The following GPC6 variants were observed in gnomAD, a reference collection of about 807,000 sequenced individuals.
GPC6 encodes glypican 6.
GPC6 carries 14 observed loss-of-function variants against 55.2 expected under a neutral mutation model. The observed-to-expected ratio is 0.25, with a 90% CI of 0.17 to 0.40. The LOEUF (loss-of-function observed/expected upper bound fraction) is 0.40, where lower values mean the gene tolerates loss of function less well. GPC6 is among the 10% of genes least tolerant of loss of function. The pLI, the probability that GPC6 is intolerant of heterozygous loss-of-function variation, is 1.00. For missense variants in GPC6, 641 were observed against 708.5 expected, an observed-to-expected ratio of 0.90 and a Z score of 1.08; for synonymous variants, 278 against 259.6, an observed-to-expected ratio of 1.07 and a Z score of -0.68.
intron 4 of GPC6, among the ~76,000 whole-genome samples, chr13:94,141,022 G>T (rs1887357477): frequency 6.6e-6 from 1 of 152,100 alleles, no homozygotes; most frequent in Non-Finnish European, 1.5e-5. Flanking sequence ...ACCTCTTTAA[G>T]ATATGTAAAG....
intron 2 of GPC6, among the ~76,000 whole-genome samples, chr13:93,803,891 G>A (rs115632266): frequency 0.013 from 1,908 of 152,184 alleles, 40 homozygotes; most frequent in African/African-American, 0.043. Context: ...CTGTGGCTGG[G>A]GTGGGGAATG....
At chr13:93,720,009 A>G (rs1056220403) in intron 2 of GPC6, among the ~76,000 whole-genome samples, 3 of 151,968 alleles carry the variant, frequency 2.0e-5, no homozygotes, top group Admixed American at 2.0e-4. Flanking sequence ...GAATTTTCGT[A>G]TTGATGTTCA....
At chr13:94,279,538 G>T (rs949473187) in intron 4 of GPC6, among the ~76,000 whole-genome samples, 5 of 152,104 alleles carry the variant, frequency 3.3e-5, no homozygotes, top group East Asian at 1.9e-4. Flanking sequence ...TGATGTTAGG[G>T]TATCGATCTG....
chr13:93,892,096 CATAT>C (rs1283469692), intron 3 of GPC6, among the ~76,000 whole-genome samples: 1 of 151,946 alleles, frequency 6.6e-6, no homozygotes, highest in Non-Finnish European at 1.5e-5. Flanking sequence ...CACATACACA[CATAT>C]ATGGTGTGTA....
At chr13:93,503,719 G>A (rs1490881199) in intron 1 of GPC6, among the ~76,000 whole-genome samples, 1 of 152,090 alleles carries the variant, frequency 6.6e-6, no homozygotes, top group Admixed American at 6.6e-5. Flanking sequence ...AGAATTCTAG[G>A]GCTTGAGTGG....
intron 3 of GPC6, among the ~76,000 whole-genome samples, chr13:93,897,136 A>C (rs1876063256): frequency 6.6e-6 from 1 of 152,004 alleles, no homozygotes; most frequent in Non-Finnish European, 1.5e-5. Flanking sequence ...TCATGAAGTC[A>C]GAGAGATTGG....
intron 6 of GPC6, among the ~76,000 whole-genome samples, chr13:94,327,685 A>T (rs1877196921): frequency 6.7e-6 from 1 of 150,208 alleles, no homozygotes; most frequent in African/African-American, 2.4e-5. Context: ...TAGATTCAAA[A>T]GTGAGTGGGT....
intron 2 of GPC6, among the ~76,000 whole-genome samples, chr13:93,600,136 T>G (rs1034000392): frequency 1.3e-5 from 2 of 152,214 alleles, no homozygotes; most frequent in Non-Finnish European, 2.9e-5. Context: ...CTATGTAACT[T>G]ATAACAAATA....
intron 1 of GPC6, among the ~76,000 whole-genome samples, chr13:93,347,330 G>C (rs7337291): frequency 0.017 from 2,552 of 152,180 alleles, 78 homozygotes; most frequent in African/African-American, 0.058. Context: ...CAAGTTTTGT[G>C]GTGAGATTTT....
chr13:94,405,193 T>C lies in GPC6; in HGVS notation c.*1976T>C, dbSNP rs1480226757. The C allele has an allele frequency of 1.3e-5, 2 of 152,234 alleles. No homozygotes were observed. The highest frequency in any genetic ancestry group is 3.8e-4 in the East Asian group (2 of 5,200). The allele number at this position is 152,234 out of a possible 1,614,324, so 9.4% of individuals were successfully genotyped here. A position where few individuals can be genotyped will look rare whatever the true frequency, so the allele number is the denominator to read the frequency against. Reference sequence around the variant, plus strand: ...TTGCTACTTTATGCCTAATGAAATATAAAATGTAGGATGATGAGAGACTTT... The same window carrying C: ...TTGCTACTTTATGCCTAATGAAATACAAAATGTAGGATGATGAGAGACTTT... On this transcript the variant is annotated 3_prime_UTR_variant, in exon 9 of 9. Coordinates refer to ENST00000377047, the MANE Select transcript of GPC6 (RefSeq NM_005708.5).
intron 3 of GPC6, among the ~76,000 whole-genome samples, chr13:93,988,429 C>A (rs894200264): frequency 6.6e-6 from 1 of 152,118 alleles, no homozygotes; most frequent in Non-Finnish European, 1.5e-5. Context: ...TAGAGAAGCA[C>A]TATATAAGTT....
intron 1 of GPC6, among the ~76,000 whole-genome samples, chr13:93,512,446 G>A (rs969999790): frequency 1.8e-4 from 27 of 151,934 alleles, no homozygotes; most frequent in African/African-American, 6.3e-4. Context: ...TCATTCTATT[G>A]ACATGATGTA....
intron 2 of GPC6, among the ~76,000 whole-genome samples, chr13:93,649,282 T>G (rs1880305177): frequency 6.6e-6 from 1 of 152,058 alleles, no homozygotes; most frequent in African/African-American, 2.4e-5. Flanking sequence ...AAAAACCTGT[T>G]TCTACAAAAA....
At chr13:94,084,500 G>C (rs527500143) in intron 4 of GPC6, among the ~76,000 whole-genome samples, 1 of 152,062 alleles carries the variant, frequency 6.6e-6, no homozygotes, top group African/African-American at 2.4e-5. Context: ...ATATCCCCAG[G>C]TGGACAGTTA....
intron 2 of GPC6, among the ~76,000 whole-genome samples, chr13:93,595,506 T>C (rs899585031): frequency 6.6e-6 from 1 of 152,186 alleles, no homozygotes; most frequent in African/African-American, 2.4e-5. Context: ...CTATATATTT[T>C]TGAATTTCAG....
intron 1 of GPC6, among the ~76,000 whole-genome samples, chr13:93,339,400 C>T (rs907880179): frequency 1.0e-4 from 15 of 149,876 alleles, no homozygotes; most frequent in African/African-American, 3.4e-4. Flanking sequence ...AAAAGCACCA[C>T]GTATACTTGC....
At chr13:94,337,452 T>C (rs1251607673) in intron 6 of GPC6, among the ~76,000 whole-genome samples, 1 of 151,764 alleles carries the variant, frequency 6.6e-6, no homozygotes, top group African/African-American at 2.4e-5. Context: ...TTTTTCTTTT[T>C]TTTTTCCTTT....
In GPC6 at chr13:93,643,958, T is replaced by C. The variant is rs935417133; in HGVS notation, c.319+98537T>C. Among the ~76,000 whole-genome samples, 6 of 152,196 alleles carry C rather than the reference T, an allele frequency of 3.9e-5. No individual in the cohort carries two copies. The East Asian group carries it at 5.8e-4, about 15-fold the overall frequency. On this transcript the variant is annotated intron_variant, in intron 2 of 8. Transcript: ENST00000377047. ...CATTTTTCCTGCTCTCAGTGGTACATTGAACTTCTGTCTTCAGAAAACAGG... is the reference window on the plus strand; with the variant it reads ...CATTTTTCCTGCTCTCAGTGGTACACTGAACTTCTGTCTTCAGAAAACAGG...
At chr13:94,053,064 A>G (rs1042211523) in intron 4 of GPC6, among the ~76,000 whole-genome samples, 1 of 152,214 alleles carries the variant, frequency 6.6e-6, no homozygotes, top group Non-Finnish European at 1.5e-5. Context: ...TAGAGGAGCT[A>G]AAATCAGTGA....
Sources: gnomAD v4.1 joint callset for allele counts (sites outside exome capture counted in the v4.1 genomes callset) on GRCh38, gnomAD v4.1.1 for gene constraint, MANE v1.5 for transcripts, NCBI Gene and HGNC (gene_info 2026-07-23, HGNC 2026-07-21) for gene names.